The following CMSS1 variants were observed in gnomAD, a reference collection of about 807,000 sequenced individuals.
The protein encoded by CMSS1 is cms1 ribosomal small subunit homolog, also known as protein CMSS1.
Under a neutral mutation model 43.5 loss-of-function variants are expected in CMSS1, and 33 were observed. The observed-to-expected ratio is 0.76, with a 90% confidence interval of 0.57 to 1.01. The LOEUF is 1.01. Ranked by LOEUF, CMSS1 falls within the 50% of genes least tolerant of loss-of-function variation. The probability of loss-of-function intolerance (pLI) is 0.00; values close to 1 mark genes in which losing one functional copy is unlikely to be tolerated. For missense variants in CMSS1, 313 were observed against 326.4 expected, an observed-to-expected ratio of 0.96 and a Z score of 0.32; for synonymous variants, 115 against 117.2, an observed-to-expected ratio of 0.98 and a Z score of 0.12.
At chr3:99,984,133 A>G (rs1559714123) in intron 1 of CMSS1, among the ~76,000 whole-genome samples, 1 of 151,992 alleles carries the variant, frequency 6.6e-6, no homozygotes, top group African/African-American at 2.4e-5. Context: ...ATTGATCCAT[A>G]GTTCTGGAAG....
chr3:99,963,540 T>G (rs1708555467), intron 1 of CMSS1, among the ~76,000 whole-genome samples: 1 of 152,138 alleles, frequency 6.6e-6, no homozygotes, highest in African/African-American at 2.4e-5. Context: ...AGCGGGATAT[T>G]TACATTTTGT....
intron 1 of CMSS1, among the ~76,000 whole-genome samples, chr3:99,894,759 A>G (rs1706195125): frequency 1.3e-5 from 2 of 152,216 alleles, no homozygotes; most frequent in South Asian, 4.1e-4. Context: ...AACTCCATTT[A>G]GGTAACTGTG....
chr3:100,170,466 C>A (rs1339462497), intron 6 of CMSS1, among the ~76,000 whole-genome samples: 8 of 152,180 alleles, frequency 5.3e-5, no homozygotes, highest in Non-Finnish European at 1.2e-4. Flanking sequence ...GCAAAGGTGG[C>A]CCCAACTGGG....
chr3:100,047,113 A>C (rs1181567739), intron 1 of CMSS1, among the ~76,000 whole-genome samples: 2 of 152,206 alleles, frequency 1.3e-5, no homozygotes, highest in African/African-American at 4.8e-5. Flanking sequence ...TTTCTAACCT[A>C]AATTTCCTTG....
At chr3:100,160,048 C>T (rs1462333497) in intron 2 of CMSS1, 2 of 401,882 alleles carry the variant, frequency 5.0e-6, no homozygotes, top group African/African-American at 2.1e-5. Context: ...AAACCTTAGT[C>T]ACTCTAGTCA....
intron 1 of CMSS1, among the ~76,000 whole-genome samples, chr3:100,116,488 A>G (rs1412166696): frequency 6.6e-6 from 1 of 152,156 alleles, no homozygotes; most frequent in Admixed American, 6.5e-5. Flanking sequence ...TTCTGTGCCC[A>G]ACTCTGGAAT....
At chr3:100,168,291 T>G (rs2067081183) in intron 6 of CMSS1, among the ~76,000 whole-genome samples, 1 of 152,176 alleles carries the variant, frequency 6.6e-6, no homozygotes, top group African/African-American at 2.4e-5. Context: ...ATTTTAAAGG[T>G]TCACTTTGGC....
intron 1 of CMSS1, among the ~76,000 whole-genome samples, chr3:99,866,664 T>C (rs1944537767): frequency 6.6e-6 from 1 of 152,154 alleles, no homozygotes; most frequent in African/African-American, 2.4e-5. Context: ...GTGGCTTGGC[T>C]TCCTGCTGAG....
At chr3:99,833,105 T>C in intron 1 of CMSS1, 3 of 746,914 alleles carry the variant, frequency 4.0e-6, no homozygotes, top group Non-Finnish European at 6.9e-6. Context: ...AAAGAGCAGA[T>C]GTCTTGGAGG....
chr3:99,847,831 G>T, intron 1 of CMSS1: 1 of 503,832 alleles, frequency 2.0e-6, no homozygotes, highest in Non-Finnish European at 2.6e-6. Context: ...TTGTTTTTAA[G>T]GAAGAATTAA....
intron 1 of CMSS1, among the ~76,000 whole-genome samples, chr3:99,941,260 A>G (rs1323751928): frequency 1.3e-5 from 2 of 152,184 alleles, no homozygotes. Flanking sequence ...GAAGTGTTAT[A>G]AAGCTCACAG....
At chr3:100,135,438 ATGTGTGTGTGTGTGTGTGTGTG>A (rs71132511) in intron 1 of CMSS1, among the ~76,000 whole-genome samples, 9 of 120,836 alleles carry the variant, frequency 7.4e-5, no homozygotes, top group South Asian at 3.0e-4. Flanking sequence ...GTGTGTGTGC[ATGTGTGTGTGTGTGTGTGTGTG>A]TGTGTGTGTG....
chr3:100,076,172 C>T (rs747502978), intron 1 of CMSS1, among the ~76,000 whole-genome samples: 9 of 152,130 alleles, frequency 5.9e-5, no homozygotes, highest in Non-Finnish European at 1.3e-4. Context: ...AAAATGTAAA[C>T]AATAATTTTG....
intron 1 of CMSS1, among the ~76,000 whole-genome samples, chr3:100,046,243 T>C (rs1038604838): frequency 1.3e-5 from 2 of 152,184 alleles, no homozygotes; most frequent in African/African-American, 4.8e-5. Flanking sequence ...AGCGTTTGGA[T>C]CCAGTAACTT....
chr3:100,111,776 T>C (rs2066495339), intron 1 of CMSS1, among the ~76,000 whole-genome samples: 1 of 152,218 alleles, frequency 6.6e-6, no homozygotes, highest in Admixed American at 6.5e-5. Context: ...TTGTCTAACA[T>C]CTATAGCTTG....
intron 2 of CMSS1, among the ~76,000 whole-genome samples, chr3:100,157,534 A>G (rs1008229200): frequency 6.6e-6 from 1 of 152,132 alleles, no homozygotes; most frequent in African/African-American, 2.4e-5. Context: ...AACAAGCTGG[A>G]TTTTTTACTA....
intron 1 of CMSS1, among the ~76,000 whole-genome samples, chr3:100,018,672 C>G (rs1413898426): frequency 1.4e-5 from 2 of 147,518 alleles, no homozygotes; most frequent in Non-Finnish European, 3.0e-5. Flanking sequence ...GATATCAAAG[C>G]ACAGGCAACT....
intron 1 of CMSS1, among the ~76,000 whole-genome samples, chr3:99,897,345 G>T (rs1320040598): frequency 6.6e-6 from 1 of 151,930 alleles, no homozygotes; most frequent in East Asian, 1.9e-4. Context: ...CTCCAGCCTG[G>T]GGGACAAGAG....
intron 1 of CMSS1, among the ~76,000 whole-genome samples, chr3:100,013,619 A>G (rs1225070479): frequency 6.6e-6 from 1 of 152,162 alleles, no homozygotes; most frequent in African/African-American, 2.4e-5. Context: ...ATGAATGACC[A>G]TATTCATTTT....
Sources: allele counts gnomAD v4.1 joint callset (sites outside exome capture counted in the v4.1 genomes callset), GRCh38; gene constraint gnomAD v4.1.1; transcripts MANE v1.5; gene names NCBI Gene and HGNC (gene_info 2026-07-23, HGNC 2026-07-21).